Variants in RASGEF1C observed in about 807,000 individuals in gnomAD.
RASGEF1C encodes ras-GEF domain-containing family member 1C.
RASGEF1C carries 27 observed loss-of-function variants against 58.1 expected under a neutral mutation model. The ratio of observed to expected loss-of-function variants is 0.46; its 90% CI spans 0.34 to 0.64. The LOEUF is 0.64. RASGEF1C is among the 30% of genes least tolerant of loss of function. The pLI, the probability that RASGEF1C is intolerant of heterozygous loss-of-function variation, is 0.01. For synonymous variants in RASGEF1C, 243 were observed against 246.3 expected, an observed-to-expected ratio of 0.99 and a Z score of 0.13; for missense variants, 502 against 605.1, an observed-to-expected ratio of 0.83 and a Z score of 1.79.
At chr5:180,202,993 C>T (rs555163330) in intron 1 of RASGEF1C, among the ~76,000 whole-genome samples, 13 of 152,172 alleles carry the variant, frequency 8.5e-5, no homozygotes, top group South Asian at 2.1e-4. Context: ...TGAGCCACCG[C>T]GCCTGGCCAG....
chr5:180,167,178 C>T (rs1261589194), intron 1 of RASGEF1C, among the ~76,000 whole-genome samples: 1 of 152,168 alleles, frequency 6.6e-6, no homozygotes, highest in African/African-American at 2.4e-5. Context: ...CACTCTTTCT[C>T]CTGTCCTTCT....
At chr5:180,190,963 C>T (rs1295611197) in intron 1 of RASGEF1C, among the ~76,000 whole-genome samples, 1 of 152,084 alleles carries the variant, frequency 6.6e-6, no homozygotes, top group Non-Finnish European at 1.5e-5. Flanking sequence ...AGAAAATGAA[C>T]CCAATTAAAA....
intron 11 of RASGEF1C, among the ~76,000 whole-genome samples, chr5:180,112,982 C>T (rs1227935360): frequency 1.4e-4 from 19 of 138,138 alleles, no homozygotes; most frequent in African/African-American, 3.8e-4. Context: ...ACGGAGGGAC[C>T]GGGGATGGAC....
At chr5:180,104,022 C>A (rs1204851923) in intron 12 of RASGEF1C, among the ~76,000 whole-genome samples, 2 of 152,176 alleles carry the variant, frequency 1.3e-5, no homozygotes, top group Non-Finnish European at 2.9e-5. Flanking sequence ...TTGGAATGAA[C>A]CCACTTAGTC....
At chr5:180,112,745 TG>T (rs1372521436) in intron 11 of RASGEF1C, among the ~76,000 whole-genome samples, 1 of 152,256 alleles carries the variant, frequency 6.6e-6, no homozygotes, top group Non-Finnish European at 1.5e-5. Context: ...ACACGTGTGC[TG>T]GGTGGGCCCT....
intron 1 of RASGEF1C, among the ~76,000 whole-genome samples, chr5:180,152,278 G>T (rs1302995510): frequency 6.6e-6 from 1 of 152,062 alleles, no homozygotes; most frequent in African/African-American, 2.4e-5. Context: ...GTTTATTGCG[G>T]CACTATTCAC....
intron 1 of RASGEF1C, among the ~76,000 whole-genome samples, chr5:180,146,999 G>T (rs1238118683): frequency 6.6e-6 from 1 of 151,868 alleles, no homozygotes; most frequent in Non-Finnish European, 1.5e-5. Flanking sequence ...TTAGTTATAG[G>T]TCTATTTACG....
intron 1 of RASGEF1C, among the ~76,000 whole-genome samples, chr5:180,181,858 A>G (rs1350877851): frequency 6.6e-6 from 1 of 152,134 alleles, no homozygotes. Context: ...GCAGCAGCAC[A>G]CTATTGAGAC....
At chr5:180,111,647 G>A in intron 11 of RASGEF1C, 67 bp from the exon 12 acceptor site, 1 of 1,577,810 alleles carries the variant, frequency 6.3e-7, no homozygotes, top group Non-Finnish European at 8.7e-7. Flanking sequence ...GAGGGGGAGG[G>A]GCTGGTCCTG....
chr5:180,127,211 G>T (rs1267971802), intron 6 of RASGEF1C, among the ~76,000 whole-genome samples: 4 of 152,040 alleles, frequency 2.6e-5, no homozygotes. Flanking sequence ...GCTTCCCCGC[G>T]TGGCCGCTGG....
chr5:180,184,580 A>G (rs1159787260), intron 1 of RASGEF1C, among the ~76,000 whole-genome samples: 1 of 152,232 alleles, frequency 6.6e-6, no homozygotes, highest in Non-Finnish European at 1.5e-5. Context: ...CCATCTCAAA[A>G]AATTAAATAA....
chr5:180,183,557 G>A (rs956607447), intron 1 of RASGEF1C, among the ~76,000 whole-genome samples: 8 of 152,166 alleles, frequency 5.3e-5, no homozygotes, highest in African/African-American at 1.9e-4. Flanking sequence ...AGGCATGGTG[G>A]CTTACACCTG....
chr5:180,158,495 G>A lies in RASGEF1C; in HGVS notation c.-6-20437C>T, dbSNP rs1204428050. On this transcript the variant is annotated intron_variant, in intron 1 of 13. Coordinates refer to ENST00000361132, the MANE Select transcript of RASGEF1C (RefSeq NM_175062.4). The surrounding 1 kb of genome is among the most constrained non-coding windows in gnomAD (Gnocchi z 4.0). ...TAGTTCAGCAAGGCATAGAATTCTA[G>A]ATCTGTGCTCGTTTGTCTTCACAAT... Among the ~76,000 whole-genome samples, 1 of 152,144 alleles carries A rather than the reference G, an allele frequency of 6.6e-6. No homozygotes were observed. The highest frequency in any genetic ancestry group is 1.5e-5 in the Non-Finnish European group (1 of 68,036).
rs3940643 is a variant in RASGEF1C, at chr5:180,158,309, C to T, written c.-6-20251G>A. ...CCTTCTCCTTTATGTGTTGGGCTCC[C>T]GTCTCCTGTATTTAAAGTCTTCTTT... is the stretch of plus-strand genomic sequence containing the variant. On this transcript the variant is annotated intron_variant, in intron 1 of 13. Transcript: ENST00000361132. This position sits in a 1 kb window ranked among gnomAD's most constrained non-coding sequence, Gnocchi z 4.0. 0.36 allele frequency among the ~76,000 whole-genome samples: 55,125 copies of T among 151,862 alleles called. 10,777 individuals are homozygous for T. Among genetic ancestry groups the T allele is most frequent in the East Asian group, 0.52 (2,655 of 5,144 alleles).
intron 1 of RASGEF1C, among the ~76,000 whole-genome samples, chr5:180,182,337 T>G (rs1200712130): frequency 1.3e-5 from 2 of 151,044 alleles, no homozygotes; most frequent in Non-Finnish European, 2.9e-5. Context: ...ACTTCAAGAA[T>G]GAAGCCGCGG....
intron 1 of RASGEF1C, among the ~76,000 whole-genome samples, chr5:180,178,225 A>C (rs1581122221): frequency 7.3e-6 from 1 of 137,836 alleles, no homozygotes; most frequent in Admixed American, 7.8e-5. Context: ...TGCTTGCCTC[A>C]GCCTCCCAAA....
intron 4 of RASGEF1C, 107 bp from the exon 5 acceptor site, chr5:180,128,717 G>C (rs1040286837): frequency 3.5e-6 from 4 of 1,139,126 alleles, no homozygotes; most frequent in Non-Finnish European, 5.0e-6. Context: ...TTTTCCTCAG[G>C]GTCTCTGGAG....
At chr5:180,142,430 C>G (rs147919119) in intron 1 of RASGEF1C, among the ~76,000 whole-genome samples, 256 of 152,254 alleles carry the variant, frequency 1.7e-3, no homozygotes, top group African/African-American at 5.9e-3. Context: ...GCGTTATGTT[C>G]TATAGCGTCC....
intron 1 of RASGEF1C, among the ~76,000 whole-genome samples, chr5:180,174,549 C>CGT (rs1554114725): frequency 2.6e-4 from 38 of 145,954 alleles, no homozygotes; most frequent in African/African-American, 7.8e-4. Context: ...TGCGTGTGTG[C>CGT]GTGTGTCTGT....
Sources: allele counts gnomAD v4.1 joint callset (sites outside exome capture counted in the v4.1 genomes callset), GRCh38; gene constraint gnomAD v4.1.1; non-coding constraint Gnocchi (gnomAD v3.1); transcripts MANE v1.5; gene names NCBI Gene and HGNC (gene_info 2026-07-23, HGNC 2026-07-21).